CEP126: variants seen among roughly 807,000 people sequenced by gnomAD.
CEP126 encodes the protein centrosomal protein 126.
CEP126 carries 74 observed loss-of-function variants against 107.8 expected under a neutral mutation model. The observed-to-expected ratio is 0.69, with a 90% CI of 0.57 to 0.83. The LOEUF is 0.83. Among genes scored for constraint, CEP126 ranks in the 40% least tolerant of loss-of-function variants. CEP126 has a pLI of 0.00. For synonymous variants in CEP126, 449 were observed against 446.0 expected (o/e 1.01, Z -0.08); for missense variants, 1,237 against 1,281.9 (o/e 0.96, Z 0.53).
At chr11:101,929,044 T>G (rs1297617055) in intron 2 of CEP126, among the ~76,000 whole-genome samples, 2 of 152,212 alleles carry the variant, frequency 1.3e-5, no homozygotes, top group Non-Finnish European at 2.9e-5. Flanking sequence ...AGTTGTTGCG[T>G]TTTTTAATTC....
intron 2 of CEP126, among the ~76,000 whole-genome samples, chr11:101,930,699 T>C (rs1048843125): frequency 1.3e-5 from 2 of 152,246 alleles, no homozygotes; most frequent in Non-Finnish European, 2.9e-5. Flanking sequence ...AGAGTGCTGA[T>C]TGGTCCATTT....
intron 2 of CEP126, among the ~76,000 whole-genome samples, chr11:101,935,361 G>A (rs935416362): frequency 3.9e-5 from 6 of 151,942 alleles, no homozygotes; most frequent in South Asian, 4.1e-4. Flanking sequence ...TTGTGATGAC[G>A]TACAATTATC....
intron 4 of CEP126, chr11:101,956,312 C>T (rs771171422): frequency 1.1e-5 from 5 of 456,204 alleles, no homozygotes; most frequent in South Asian, 7.7e-5. Context: ...TGTTTTGAAG[C>T]CTTCCTGTTT....
intron 10 of CEP126, among the ~76,000 whole-genome samples, chr11:101,993,939 A>C (rs775845709): frequency 2.6e-5 from 4 of 152,090 alleles, no homozygotes; most frequent in African/African-American, 9.7e-5. Flanking sequence ...TTCCTTATAG[A>C]TTCTTGATAT....
chr11:101,922,292 G>T (rs1940340945), intron 1 of CEP126, among the ~76,000 whole-genome samples: 1 of 151,510 alleles, frequency 6.6e-6, no homozygotes, highest in African/African-American at 2.4e-5. Flanking sequence ...AGCCTCCCAA[G>T]TAGCTGGGAA....
Position 101,988,778 on chromosome 11 carries a change from G to GTATATATA in CEP126, c.3244+1747_3244+1754dup, listed in dbSNP as rs34433049. On this transcript the variant is annotated intron_variant, in intron 9 of 10. Transcript: ENST00000263468. ...TTGTTAACAGCAAATATATGTATAT[G>GTATATATA]TATATATATATATATATGTCACTTT... Among the ~76,000 whole-genome samples, 54 of 148,956 alleles carry GTATATATA rather than the reference G, an allele frequency of 3.6e-4. No individual in the cohort carries two copies. The East Asian group carries it at 6.5e-3, about 18-fold the overall frequency.
rs772129915 is a variant in CEP126 at position 101,962,139 on chromosome 11, A to G, written c.1104A>G (p.Val368=). 20 of 1,612,678 alleles carry G rather than the reference A, an allele frequency of 1.2e-5. No homozygotes were observed. Among genetic ancestry groups the G allele is most frequent in the Non-Finnish European group, 1.5e-5 (18 of 1,179,592 alleles). ...ERATNTANNS[V]PFVSSPPMFV... The stretch of plus-strand genomic sequence containing the variant: ...CCACAAATACTGCTAATAATTCAGT[A>G]CCCTTTGTATCTAGCCCACCCATGT... The change falls in exon 6 of 11, where the codon GTA becomes GTG. Residue 368 remains valine, a synonymous_variant. Coordinates refer to ENST00000263468, the MANE Select transcript of CEP126 (RefSeq NM_020802.4).
At chr11:101,931,209 T>C (rs897435015) in intron 2 of CEP126, among the ~76,000 whole-genome samples, 1 of 152,226 alleles carries the variant, frequency 6.6e-6, no homozygotes, top group East Asian at 1.9e-4. Flanking sequence ...GAGATACTTT[T>C]ATATTTTTCC....
chr11:101,929,609 C>T (rs927504284), intron 2 of CEP126, among the ~76,000 whole-genome samples: 2 of 152,114 alleles, frequency 1.3e-5, no homozygotes, highest in Admixed American at 6.6e-5. Context: ...TCAGATACCA[C>T]CAACTATGGA....
chr11:101,940,777 C>A (rs928527058), intron 2 of CEP126, among the ~76,000 whole-genome samples: 1 of 152,190 alleles, frequency 6.6e-6, no homozygotes, highest in Non-Finnish European at 1.5e-5. Context: ...ATCTCAAAGT[C>A]ACTGAAATTC....
chr11:101,924,894 AT>A (rs928056854), intron 2 of CEP126, among the ~76,000 whole-genome samples: 80 of 152,280 alleles, frequency 5.3e-4, no homozygotes, highest in African/African-American at 1.8e-3. Context: ...CTTTATTTTC[AT>A]TAGTTGCTTT....
At chr11:101,929,253 C>T (rs1434377725) in intron 2 of CEP126, among the ~76,000 whole-genome samples, 1 of 152,200 alleles carries the variant, frequency 6.6e-6, no homozygotes, top group Non-Finnish European at 1.5e-5. Flanking sequence ...AAGTTTGAGA[C>T]TTTCCTGGTT....
Position 101,978,390 on chromosome 11 carries a change from G to A in CEP126, c.2889G>A (p.Arg963=). ...MRRKRIAETK[R]RNILEQKRQN... is the part of the protein sequence containing the mutation. ...GAAAACGAATTGCTGAAACTAAGCG[G>A]AGAAATATTTTAGAGCAGAAAAGAC... Residue 963 remains arginine (R), a synonymous_variant, in exon 7 of 11, where the codon CGG becomes CGA. Transcript: ENST00000263468. 1 of 1,613,656 alleles carries A rather than the reference G, an allele frequency of 6.2e-7. No individual in the cohort carries two copies.
At chr11:101,939,154 T>G (rs754956602) in intron 2 of CEP126, among the ~76,000 whole-genome samples, 1 of 152,208 alleles carries the variant, frequency 6.6e-6, no homozygotes, top group African/African-American at 2.4e-5. Context: ...TTTCCAGTTG[T>G]TCTGTTACAA....
intron 7 of CEP126, among the ~76,000 whole-genome samples, chr11:101,981,422 T>A (rs1372616095): frequency 1.3e-5 from 2 of 152,164 alleles, no homozygotes; most frequent in Non-Finnish European, 2.9e-5. Flanking sequence ...GTCTCCCAAG[T>A]AGCTGGAACC....
chr11:101,997,806 C>A lies in CEP126; in HGVS notation c.*163C>A. The stretch of plus-strand genomic sequence containing the variant: ...GCAGTGAAGTTTAACAGAGCAGTGA[C>A]ATTTAACAAAGCAGTGAAGTTTAAC... On this transcript the variant is annotated 3_prime_UTR_variant, in exon 11 of 11. Coordinates refer to ENST00000263468, the MANE Select transcript of CEP126 (RefSeq NM_020802.4). The A allele has an allele frequency of 1.1e-6, 1 of 881,896 alleles. No individual in the cohort carries two copies. Among genetic ancestry groups the A allele is most frequent in the Non-Finnish European group, 1.7e-6 (1 of 576,542 alleles). The allele number at this position is 881,896 out of a possible 1,614,324, so 54.6% of individuals were successfully genotyped here.
chr11:101,944,645 A>C (rs1185768557), intron 3 of CEP126, among the ~76,000 whole-genome samples: 2 of 152,208 alleles, frequency 1.3e-5, no homozygotes, highest in Non-Finnish European at 2.9e-5. Context: ...TTTGACTTCC[A>C]ACTGGTTACA....
At chr11:101,976,228 A>G (rs1014638026) in intron 6 of CEP126, among the ~76,000 whole-genome samples, 1 of 152,056 alleles carries the variant, frequency 6.6e-6, no homozygotes, top group Admixed American at 6.5e-5. Flanking sequence ...TTTCTTTACA[A>G]CCTCACCAGC....
At chr11:101,951,995 T>C (rs894933549) in intron 4 of CEP126, among the ~76,000 whole-genome samples, 1 of 152,204 alleles carries the variant, frequency 6.6e-6, no homozygotes, top group African/African-American at 2.4e-5. Flanking sequence ...AGTACTCATG[T>C]TGGAGGTATT....
Sources: allele counts gnomAD v4.1 joint callset (sites outside exome capture counted in the v4.1 genomes callset), GRCh38; gene constraint gnomAD v4.1.1; transcripts MANE v1.5; gene names NCBI Gene and HGNC (gene_info 2026-07-23, HGNC 2026-07-21).